Variants in SCN11A observed in about 807,000 individuals in gnomAD.
The protein encoded by SCN11A is sodium voltage-gated channel alpha subunit 11.
SCN11A carries 122 observed loss-of-function variants against 162.2 expected under a neutral mutation model. The ratio of observed to expected loss-of-function variants is 0.75; its 90% CI spans 0.65 to 0.87. The LOEUF is 0.87. Among genes scored for constraint, SCN11A ranks in the 40% least tolerant of loss-of-function variants. SCN11A has a pLI of 0.00. For missense variants in SCN11A, 2,015 were observed against 2,181.6 expected (o/e 0.92, Z 1.52); for synonymous variants, 758 against 751.5 (o/e 1.01, Z -0.14).
chr3:38,864,769 T>C (rs2065016316), intron 27 of SCN11A, among the ~76,000 whole-genome samples: 1 of 152,100 alleles, frequency 6.6e-6, no homozygotes, highest in African/African-American at 2.4e-5. Flanking sequence ...CAACCTAAAC[T>C]TGGAACATCG....
chr3:38,961,104 C>T (rs2066736659), intron 2 of SCN11A, among the ~76,000 whole-genome samples: 1 of 152,072 alleles, frequency 6.6e-6, no homozygotes, highest in Non-Finnish European at 1.5e-5. Context: ...ATAAAGGGTA[C>T]AGGGTGAGTG....
At chr3:38,852,732 AT>A (rs77685087) in intron 28 of SCN11A, among the ~76,000 whole-genome samples, 5,931 of 152,264 alleles carry the variant, frequency 0.039, 223 homozygotes, top group East Asian at 0.16. Flanking sequence ...TCAAAAGCTA[AT>A]ATTTGGATTT....
intron 7 of SCN11A, among the ~76,000 whole-genome samples, chr3:38,941,296 T>C (rs901384585): frequency 2.0e-5 from 3 of 152,222 alleles, no homozygotes; most frequent in African/African-American, 7.2e-5. Flanking sequence ...ACTGATTCTA[T>C]ATACAATGAA....
At chr3:38,936,654 C>T (rs1253462060) in intron 7 of SCN11A, among the ~76,000 whole-genome samples, 1 of 151,706 alleles carries the variant, frequency 6.6e-6, no homozygotes, top group Non-Finnish European at 1.5e-5. Flanking sequence ...CCTAGGAATC[C>T]AACTTACAAG....
At position 38,894,984 on chromosome 3, in the gene SCN11A, C is replaced by T. The variant is rs752619036; in HGVS notation, c.2404-20G>A. 6.4e-7 allele frequency: 1 copy of T among 1,564,546 alleles called. No homozygotes were observed. ...GAGCACCTGGGAATGGGGTGGGTAG[C>T]AAGAAGAAAGGAAAGTTTAGCAAAG... On this transcript the variant is annotated intron_variant, in intron 18 of 29. Coordinates refer to ENST00000302328, the MANE Select transcript of SCN11A (RefSeq NM_001349253.2).
At chr3:38,944,618 G>A (rs559328350) in intron 7 of SCN11A, among the ~76,000 whole-genome samples, 2 of 149,404 alleles carry the variant, frequency 1.3e-5, no homozygotes, top group East Asian at 2.1e-4. Context: ...GAGCCACCAC[G>A]CCCAGCCTAG....
chr3:38,865,367 T>C (rs1164232573), intron 27 of SCN11A, among the ~76,000 whole-genome samples: 1 of 152,176 alleles, frequency 6.6e-6, no homozygotes, highest in Non-Finnish European at 1.5e-5. Flanking sequence ...AGATGCATAT[T>C]ACAGAGAGGA....
chr3:38,966,513 A>C (rs2066783466), intron 2 of SCN11A, among the ~76,000 whole-genome samples: 1 of 152,186 alleles, frequency 6.6e-6, no homozygotes, highest in African/African-American at 2.4e-5. Context: ...GGTATATTTG[A>C]TTTTGTTGCA....
chr3:39,044,763 A>G (rs570169068), intron 1 of SCN11A, among the ~76,000 whole-genome samples: 111 of 152,302 alleles, frequency 7.3e-4, no homozygotes, highest in Non-Finnish European at 1.4e-3. Context: ...ACGTCAAGGA[A>G]CTACAAAAAC....
intron 2 of SCN11A, among the ~76,000 whole-genome samples, chr3:38,962,982 A>G (rs1299403824): frequency 2.0e-5 from 3 of 152,066 alleles, no homozygotes; most frequent in African/African-American, 7.2e-5. Flanking sequence ...AAAAAAGCAA[A>G]TCAAAACTAC....
At chr3:38,875,477 T>C (rs922007675) in intron 23 of SCN11A, among the ~76,000 whole-genome samples, 3 of 152,014 alleles carry the variant, frequency 2.0e-5, no homozygotes, top group African/African-American at 7.2e-5. Flanking sequence ...TCCAAAAAAC[T>C]CCTAGAACTG....
At chr3:38,922,668 AAGAAGG>A (rs1421019803) in intron 9 of SCN11A, among the ~76,000 whole-genome samples, 1 of 136,936 alleles carries the variant, frequency 7.3e-6, no homozygotes, top group Non-Finnish European at 1.5e-5. Context: ...ACTTGAAAAG[AAGAAGG>A]AGAAGGAGGA....
intron 2 of SCN11A, among the ~76,000 whole-genome samples, chr3:39,002,788 C>T (rs2030856254): frequency 6.6e-6 from 1 of 152,186 alleles, no homozygotes; most frequent in African/African-American, 2.4e-5. Context: ...TTTCTTGAAC[C>T]TCTGCCTCTG....
intron 7 of SCN11A, among the ~76,000 whole-genome samples, chr3:38,936,171 C>T (rs376979348): frequency 3.3e-5 from 5 of 151,536 alleles, no homozygotes; most frequent in African/African-American, 9.7e-5. Flanking sequence ...ATTCAACAAC[C>T]CTTCATGCTA....
At chr3:38,989,398 T>C (rs565260926) in intron 2 of SCN11A, among the ~76,000 whole-genome samples, 389 of 152,292 alleles carry the variant, frequency 2.6e-3, no homozygotes, top group Non-Finnish European at 4.5e-3. Context: ...AAATGGTTGT[T>C]CAAAGACAGT....
intron 2 of SCN11A, among the ~76,000 whole-genome samples, chr3:38,992,053 C>T (rs1381424386): frequency 6.6e-6 from 1 of 152,162 alleles, no homozygotes; most frequent in Non-Finnish European, 1.5e-5. Context: ...AGGTGATCTG[C>T]CCATCTCGGC....
At chr3:38,991,047 G>A (rs2030437295) in intron 2 of SCN11A, among the ~76,000 whole-genome samples, 1 of 152,060 alleles carries the variant, frequency 6.6e-6, no homozygotes, top group South Asian at 2.1e-4. Context: ...TTGTGCTTAG[G>A]AAATTTCCAG....
chr3:38,879,100 G>A (rs1247475464), intron 23 of SCN11A, among the ~76,000 whole-genome samples: 6 of 152,084 alleles, frequency 3.9e-5, no homozygotes, highest in Non-Finnish European at 8.8e-5. Context: ...GTTAAATCAA[G>A]AGCTTTGGAG....
chr3:39,024,749 A>G (rs1349989405), intron 2 of SCN11A, among the ~76,000 whole-genome samples: 1 of 152,238 alleles, frequency 6.6e-6, no homozygotes, highest in Admixed American at 6.5e-5. Context: ...GAAGGAATGC[A>G]TGCTCAGAGA....
Sources: allele counts gnomAD v4.1 joint callset (sites outside exome capture counted in the v4.1 genomes callset), GRCh38; gene constraint gnomAD v4.1.1; transcripts MANE v1.5; gene names NCBI Gene and HGNC (gene_info 2026-07-23, HGNC 2026-07-21).